KLHL32: variants seen among roughly 807,000 people sequenced by gnomAD.
KLHL32 encodes the protein kelch like family member 32.
Under a neutral mutation model 64.8 loss-of-function variants are expected in KLHL32, and 35 were observed. The observed-to-expected ratio is 0.54, with a 90% CI of 0.41 to 0.72. The LOEUF (loss-of-function observed/expected upper bound fraction) is 0.72, where lower values mean the gene tolerates loss of function less well. KLHL32 is among the 30% of genes least tolerant of loss of function. The probability of loss-of-function intolerance (pLI) is 0.00; values close to 1 mark genes in which losing one functional copy is unlikely to be tolerated. For missense variants in KLHL32, 589 were observed against 768.5 expected, an observed-to-expected ratio of 0.77 and a Z score of 2.76; for synonymous variants, 259 against 281.0, an observed-to-expected ratio of 0.92 and a Z score of 0.78.
chr6:96,924,488 G>A (rs1768890662), upstream of KLHL32: 1 of 149,248 alleles, frequency 6.7e-6, no homozygotes, highest in Non-Finnish European at 1.5e-5. Flanking sequence ...GGCGGGGGGC[G>A]GCAGGGGAGC....
chr6:97,003,388 A>T (rs1156250384), intron 3 of KLHL32, among the ~76,000 whole-genome samples: 2 of 152,096 alleles, frequency 1.3e-5, no homozygotes, highest in African/African-American at 4.8e-5. Context: ...TAGATTCTGG[A>T]TAGTAGACCT....
At chr6:97,113,656 T>C (rs1003064754) in intron 6 of KLHL32, 127 bp from the exon 7 acceptor site, 22 of 1,242,702 alleles carry the variant, frequency 1.8e-5, no homozygotes, top group Admixed American at 4.5e-5. Context: ...ATTCCAGTTA[T>C]ACTGTTTGTA....
chr6:97,098,471 AAGTGAC>A (rs1486905308), intron 6 of KLHL32, among the ~76,000 whole-genome samples: 5 of 152,198 alleles, frequency 3.3e-5, no homozygotes, highest in African/African-American at 4.8e-5. Flanking sequence ...ATAGATGTTA[AAGTGAC>A]AGCATCATAA....
chr6:96,919,139 C>T, the KLHL32 span, among the ~76,000 whole-genome samples: 1 of 152,144 alleles, frequency 6.6e-6, no homozygotes. Context: ...TATTTGGGTT[C>T]CTGGCTTTAC....
At chr6:97,076,658 TA>T (rs1324219093) in intron 5 of KLHL32, among the ~76,000 whole-genome samples, 1 of 152,158 alleles carries the variant, frequency 6.6e-6, no homozygotes, top group Non-Finnish European at 1.5e-5. Context: ...TAGGTGTACT[TA>T]TAATATTTCT....
chr6:97,076,470 T>C (rs1791603086), intron 5 of KLHL32, among the ~76,000 whole-genome samples: 1 of 152,174 alleles, frequency 6.6e-6, no homozygotes, highest in Admixed American at 6.5e-5. Flanking sequence ...GATGAGAAAA[T>C]TAGACTTGAA....
chr6:96,937,679 G>A (rs1391423526), intron 1 of KLHL32, among the ~76,000 whole-genome samples: 3 of 152,160 alleles, frequency 2.0e-5, no homozygotes, highest in Non-Finnish European at 2.9e-5. Context: ...TCAGTCATCA[G>A]GGGCTCTCAG....
intron 1 of KLHL32, among the ~76,000 whole-genome samples, chr6:96,931,447 T>A (rs1279326346): frequency 6.6e-6 from 1 of 152,222 alleles, no homozygotes; most frequent in Non-Finnish European, 1.5e-5. Flanking sequence ...TATTGTAGGA[T>A]CCCATAGACT....
intron 3 of KLHL32, chr6:96,999,562 A>T: frequency 1.0e-6 from 1 of 972,514 alleles, no homozygotes; most frequent in Non-Finnish European, 1.2e-6. Flanking sequence ...AAATCCAGGT[A>T]TTAGGACCAT....
At chr6:96,964,417 G>A (rs530607069) in intron 1 of KLHL32, among the ~76,000 whole-genome samples, 3 of 152,332 alleles carry the variant, frequency 2.0e-5, no homozygotes, top group African/African-American at 7.2e-5. Flanking sequence ...GCTTTGGCAC[G>A]CCCAGATGGG....
At chr6:97,032,931 CT>C (rs55941007) in intron 3 of KLHL32, among the ~76,000 whole-genome samples, 22,312 of 142,562 alleles carry the variant, frequency 0.16, 1,684 homozygotes, top group African/African-American at 0.21. Flanking sequence ...TTCCTGTTAG[CT>C]TTTTTTTTTT....
chr6:97,071,659 A>G (rs1386327692), intron 5 of KLHL32, among the ~76,000 whole-genome samples: 1 of 152,158 alleles, frequency 6.6e-6, no homozygotes, highest in Non-Finnish European at 1.5e-5. Flanking sequence ...TTAAGGGACC[A>G]TCATCTTTCT....
intron 10 of KLHL32, 118 bp from the exon 11 acceptor site, chr6:97,139,003 T>TAAG (rs1800381178): frequency 2.2e-6 from 2 of 906,372 alleles, no homozygotes; most frequent in Non-Finnish European, 3.3e-6. Flanking sequence ...AAAGAATTCC[T>TAAG]AAGATATGGT....
At chr6:96,983,794 C>T (rs546349305) in intron 3 of KLHL32, among the ~76,000 whole-genome samples, 5 of 152,152 alleles carry the variant, frequency 3.3e-5, no homozygotes, top group African/African-American at 4.8e-5. Context: ...GTCTTGCTAG[C>T]GGTCTATCAA....
chr6:97,139,541 G>A lies in KLHL32; in HGVS notation c.*259G>A. On this transcript the variant is annotated 3_prime_UTR_variant, in exon 11 of 11. Transcript: ENST00000369261. ...ATTTAAGGTATATTGTGTTCCATGG[G>A]TCTTTAGAGCATTCTTTGTACACTT... 1 of 356,808 alleles carries A rather than the reference G, an allele frequency of 2.8e-6. No individual in the cohort carries two copies. Among genetic ancestry groups the A allele is most frequent in the Non-Finnish European group, 5.0e-6 (1 of 198,396 alleles). 22.1% of individuals were successfully genotyped at this position (356,808 alleles called of 1,614,324 possible).
At chr6:97,086,487 C>G (rs1231986758) in intron 6 of KLHL32, among the ~76,000 whole-genome samples, 1 of 152,132 alleles carries the variant, frequency 6.6e-6, no homozygotes, top group African/African-American at 2.4e-5. Flanking sequence ...TGACAGCAGG[C>G]CTGAAAGAAT....
intron 7 of KLHL32, among the ~76,000 whole-genome samples, chr6:97,122,538 G>A (rs1798471801): frequency 6.6e-6 from 1 of 152,158 alleles, no homozygotes; most frequent in Non-Finnish European, 1.5e-5. Context: ...AACAATGAGT[G>A]TAGCCCTCTA....
intron 3 of KLHL32, among the ~76,000 whole-genome samples, chr6:96,998,403 C>T (rs1778645063): frequency 6.6e-6 from 1 of 152,080 alleles, no homozygotes; most frequent in Non-Finnish European, 1.5e-5. Context: ...CTTGGAACAA[C>T]ATACACTAAA....
intron 3 of KLHL32, among the ~76,000 whole-genome samples, chr6:96,995,838 T>G (rs1718590173): frequency 1.3e-5 from 2 of 152,232 alleles, no homozygotes; most frequent in African/African-American, 4.8e-5. Context: ...CTTAATACTT[T>G]CAGCTTGTCA....
Sources: allele counts gnomAD v4.1 joint callset (sites outside exome capture counted in the v4.1 genomes callset), GRCh38; gene constraint gnomAD v4.1.1; transcripts MANE v1.5; gene names NCBI Gene and HGNC (gene_info 2026-07-23, HGNC 2026-07-21).